Variants in N4BP2L2 observed in about 807,000 individuals in gnomAD.
N4BP2L2 encodes NEDD4 binding protein 2 like 2.
In N4BP2L2, 50 loss-of-function variants were observed where a neutral mutation model predicts 56.2. That is an observed-to-expected ratio of 0.89 (90% CI 0.71 to 1.13). The LOEUF is 1.13. N4BP2L2 is among the 50% of genes most tolerant of loss of function. The pLI, the probability that N4BP2L2 is intolerant of heterozygous loss-of-function variation, is 0.00. For missense variants in N4BP2L2, 689 were observed against 693.8 expected (o/e 0.99, Z 0.08); for synonymous variants, 203 against 223.6 (o/e 0.91, Z 0.82).
intron 6 of N4BP2L2, among the ~76,000 whole-genome samples, chr13:32,461,578 A>T (rs1223895935): frequency 6.6e-6 from 1 of 152,130 alleles, no homozygotes; most frequent in Admixed American, 6.5e-5. Flanking sequence ...CCACAATGAG[A>T]TATCATTCTA....
intron 6 of N4BP2L2, among the ~76,000 whole-genome samples, chr13:32,451,451 T>C (rs2077999868): frequency 6.6e-6 from 1 of 152,064 alleles, no homozygotes; most frequent in Non-Finnish European, 1.5e-5. Context: ...AGATTAATTA[T>C]ATGAATAACT....
At chr13:32,442,252 T>TC (rs2076505580) in intron 7 of N4BP2L2, 3 of 770,602 alleles carry the variant, frequency 3.9e-6, no homozygotes, top group African/African-American at 1.8e-5. Flanking sequence ...TTGCTATGGA[T>TC]CCTCACTCAC....
chr13:32,480,464 T>C, intron 6 of N4BP2L2: 1 of 393,918 alleles, frequency 2.5e-6, no homozygotes, highest in Admixed American at 4.1e-5. Flanking sequence ...AAGCACTTAC[T>C]AGTTAGTTGG....
intron 6 of N4BP2L2, among the ~76,000 whole-genome samples, chr13:32,476,510 A>G (rs1183377342): frequency 6.6e-6 from 1 of 152,202 alleles, no homozygotes; most frequent in Non-Finnish European, 1.5e-5. Context: ...TCTAGTCTAG[A>G]AAACTGCAGA....
At chr13:32,537,052 T>C (rs1566201288) in intron 1 of N4BP2L2, 25 bp from the exon 2 acceptor site, 1 of 1,393,474 alleles carries the variant, frequency 7.2e-7, no homozygotes, top group East Asian at 2.4e-5. Flanking sequence ...AATCATACAA[T>C]TACTAGCTAA....
At chr13:32,470,325 C>T (rs1286427949) in intron 6 of N4BP2L2, among the ~76,000 whole-genome samples, 4 of 152,154 alleles carry the variant, frequency 2.6e-5, no homozygotes, top group Admixed American at 1.3e-4. Context: ...GTTATGCTAA[C>T]CTCTGATTCT....
intron 6 of N4BP2L2, among the ~76,000 whole-genome samples, chr13:32,462,009 C>A (rs997335361): frequency 2.4e-4 from 37 of 152,192 alleles, no homozygotes; most frequent in African/African-American, 8.7e-4. Flanking sequence ...TAATTTAGCA[C>A]AGCCATTATT....
At chr13:32,442,961 T>A (rs766397838) in exon 7 of N4BP2L2, 14 of 1,613,724 alleles carry the variant, frequency 8.7e-6, no homozygotes, top group Non-Finnish European at 1.1e-5. Flanking sequence ...CCCAAAGTAA[T>A]TTTTAGTCCA....
intron 6 of N4BP2L2, among the ~76,000 whole-genome samples, chr13:32,497,975 T>C (rs1043899520): frequency 6.6e-6 from 1 of 152,150 alleles, no homozygotes; most frequent in Non-Finnish European, 1.5e-5. Flanking sequence ...TTATAGAAAT[T>C]AGACACAGTA....
intron 1 of N4BP2L2, among the ~76,000 whole-genome samples, chr13:32,538,370 A>G (rs775980642): frequency 8.5e-5 from 13 of 152,056 alleles, no homozygotes; most frequent in South Asian, 2.1e-4. Context: ...TGATCTATAC[A>G]CTATCCGAGC....
At chr13:32,522,706 C>G (rs1280413420) in intron 3 of N4BP2L2, 1 of 152,308 alleles carries the variant, frequency 6.6e-6, no homozygotes, top group Middle Eastern at 3.2e-3. Context: ...TAAATATGAT[C>G]CTATTTAAGT....
intron 6 of N4BP2L2, among the ~76,000 whole-genome samples, chr13:32,450,482 G>A (rs1299568232): frequency 6.6e-6 from 1 of 151,592 alleles, no homozygotes; most frequent in Non-Finnish European, 1.5e-5. Flanking sequence ...CTGCAACCAT[G>A]CCCGGTTAAT....
chr13:32,441,992 C>T (rs2076453916), intron 7 of N4BP2L2, among the ~76,000 whole-genome samples: 1 of 152,244 alleles, frequency 6.6e-6, no homozygotes, highest in African/African-American at 2.4e-5. Flanking sequence ...AGGAGAATGG[C>T]GTGAACCCGG....
intron 6 of N4BP2L2, among the ~76,000 whole-genome samples, chr13:32,475,343 A>G (rs2083102621): frequency 6.6e-6 from 1 of 152,244 alleles, no homozygotes; most frequent in South Asian, 2.1e-4. Context: ...AGAAAGTTAA[A>G]TAGAAAAAGA....
At chr13:32,438,335 C>A (rs2075757998) in intron 8 of N4BP2L2, among the ~76,000 whole-genome samples, 1 of 152,104 alleles carries the variant, frequency 6.6e-6, no homozygotes, top group South Asian at 2.1e-4. Flanking sequence ...AAGCCAGACA[C>A]AGAAAAATAT....
exon 6 of N4BP2L2, chr13:32,511,780 AG>A: frequency 6.6e-6 from 1 of 152,196 alleles, no homozygotes. Flanking sequence ...AAAAATGAAT[AG>A]AGTGAAAGAA....
intron 2 of N4BP2L2, among the ~76,000 whole-genome samples, chr13:32,531,365 T>C (rs1371481292): frequency 6.6e-6 from 1 of 152,172 alleles, no homozygotes; most frequent in Non-Finnish European, 1.5e-5. Context: ...ACCAAGAGAA[T>C]CTGTTCCCAA....
At chr13:32,495,353 G>A (rs2088304146) in intron 6 of N4BP2L2, among the ~76,000 whole-genome samples, 1 of 152,120 alleles carries the variant, frequency 6.6e-6, no homozygotes, top group Non-Finnish European at 1.5e-5. Context: ...GCACCCTAAA[G>A]GGCCCATAGG....
intron 6 of N4BP2L2, among the ~76,000 whole-genome samples, chr13:32,474,604 G>A (rs1003774683): frequency 6.6e-6 from 1 of 152,078 alleles, no homozygotes; most frequent in African/African-American, 2.4e-5. Flanking sequence ...TGAGGCAGGA[G>A]AATCACTTGA....
Sources: allele counts gnomAD v4.1 joint callset (sites outside exome capture counted in the v4.1 genomes callset), GRCh38; gene constraint gnomAD v4.1.1; transcripts MANE v1.5; gene names NCBI Gene and HGNC (gene_info 2026-07-23, HGNC 2026-07-21).